The following AP3S1 variants were observed in gnomAD, a reference collection of about 807,000 sequenced individuals.
AP3S1 encodes the protein adaptor related protein complex 3 subunit sigma 1, also known as AP-3 complex subunit sigma-1.
AP3S1 carries 12 observed loss-of-function variants against 21.3 expected under a neutral mutation model. The ratio of observed to expected loss-of-function variants is 0.56; its 90% confidence interval spans 0.36 to 0.91. The LOEUF (loss-of-function observed/expected upper bound fraction) is 0.91. Among genes scored for constraint, AP3S1 ranks in the 40% least tolerant of loss-of-function variants. The pLI, the probability that AP3S1 is intolerant of heterozygous loss-of-function variation, is 0.01. For synonymous variants in AP3S1, 48 were observed against 78.4 expected (o/e 0.61, Z 2.05); for missense variants, 116 against 225.0 (o/e 0.52, Z 3.10).
At chr5:115,885,965 A>T (rs903069034) in intron 3 of AP3S1, among the ~76,000 whole-genome samples, 1 of 152,086 alleles carries the variant, frequency 6.6e-6, no homozygotes, top group Non-Finnish European at 1.5e-5. Flanking sequence ...TTTGCTTTAT[A>T]CTTTTCTGTA....
intron 4 of AP3S1, among the ~76,000 whole-genome samples, chr5:115,900,205 C>G (rs1751092187): frequency 6.6e-6 from 1 of 152,078 alleles, no homozygotes; most frequent in African/African-American, 2.4e-5. Flanking sequence ...GAGTATTTTT[C>G]TTTATAGTTA....
chr5:115,853,959 C>T (rs1305017990), intron 1 of AP3S1, among the ~76,000 whole-genome samples: 2 of 152,146 alleles, frequency 1.3e-5, no homozygotes, highest in African/African-American at 4.8e-5. Flanking sequence ...ACTTGAGACT[C>T]AGTAATTTAT....
intron 3 of AP3S1, among the ~76,000 whole-genome samples, chr5:115,885,922 A>T (rs12332653): frequency 0.38 from 57,142 of 152,030 alleles, 11,248 homozygotes; most frequent in Admixed American, 0.46. Context: ...CAGTAGATTT[A>T]TGTGGGTGCT....
intron 5 of AP3S1, among the ~76,000 whole-genome samples, chr5:115,911,840 T>C (rs1191713968): frequency 1.3e-5 from 2 of 152,024 alleles, no homozygotes; most frequent in Non-Finnish European, 1.5e-5. Context: ...GGTATAAGTA[T>C]AGAGGTCAAT....
chr5:115,877,138 C>G (rs936729982), intron 3 of AP3S1, among the ~76,000 whole-genome samples: 2 of 151,476 alleles, frequency 1.3e-5, no homozygotes, highest in African/African-American at 4.9e-5. Flanking sequence ...TCTATCATAC[C>G]TCAATATTTA....
At chr5:115,848,035 T>C (rs945192403) in intron 1 of AP3S1, among the ~76,000 whole-genome samples, 5 of 152,222 alleles carry the variant, frequency 3.3e-5, no homozygotes, top group African/African-American at 1.2e-4. Context: ...GGAAATAAAG[T>C]CTTCAAAGTT....
intron 1 of AP3S1, among the ~76,000 whole-genome samples, chr5:115,847,891 C>T (rs928645355): frequency 6.6e-6 from 1 of 152,164 alleles, no homozygotes; most frequent in African/African-American, 2.4e-5. Context: ...ATCTTAATTT[C>T]AGGTTTTCCT....
chr5:115,908,861 T>A (rs184456113), intron 5 of AP3S1: 1 of 443,762 alleles, frequency 2.3e-6, no homozygotes, highest in South Asian at 9.6e-5. Context: ...CTATTGACAT[T>A]TTCTTTTTTG....
chr5:115,885,096 C>A (rs1014784094), intron 3 of AP3S1, among the ~76,000 whole-genome samples: 10 of 152,330 alleles, frequency 6.6e-5, no homozygotes, highest in Middle Eastern at 3.4e-3. Context: ...TCCATTTCTT[C>A]TGCTTTCTTG....
intron 1 of AP3S1, among the ~76,000 whole-genome samples, chr5:115,864,798 T>C (rs1387292229): frequency 6.6e-6 from 1 of 152,180 alleles, no homozygotes; most frequent in Non-Finnish European, 1.5e-5. Context: ...CACATTTTGA[T>C]GGAGATGAGT....
chr5:115,906,258 C>A (rs895899349), intron 5 of AP3S1, among the ~76,000 whole-genome samples: 5 of 152,068 alleles, frequency 3.3e-5, no homozygotes, highest in African/African-American at 9.7e-5. Flanking sequence ...TAAGTAATAT[C>A]TTAGGAACAT....
Position 115,853,885 on chromosome 5 carries a change from G to A in AP3S1, c.69+11779G>A, listed in dbSNP as rs1056375630. Among the ~76,000 whole-genome samples the A allele has an allele frequency of 2.6e-5, 4 of 152,110 alleles. No individual in the cohort carries two copies. In the East Asian group the frequency reaches 7.7e-4, roughly 29 times the overall value. On this transcript the variant is annotated intron_variant, in intron 1 of 5. Coordinates refer to ENST00000316788, the MANE Select transcript of AP3S1 (RefSeq NM_001284.4). ...TTGTTATTTCAGTAATAGAGTGTTT[G>A]CCATTGAAATTGGGAAATATTTTAA...
At chr5:115,887,478 A>G (rs1185914058) in intron 3 of AP3S1, among the ~76,000 whole-genome samples, 1 of 152,018 alleles carries the variant, frequency 6.6e-6, no homozygotes, top group African/African-American at 2.4e-5. Flanking sequence ...TAGAAACTCA[A>G]AAAGGGGTCT....
At chr5:115,872,832 T>A (rs1035259400) in intron 3 of AP3S1, among the ~76,000 whole-genome samples, 1 of 152,194 alleles carries the variant, frequency 6.6e-6, no homozygotes, top group African/African-American at 2.4e-5. Context: ...GTTAATTCAT[T>A]TTATCATTAT....
At chr5:115,878,913 A>T (rs1228649102) in intron 3 of AP3S1, among the ~76,000 whole-genome samples, 1 of 152,076 alleles carries the variant, frequency 6.6e-6, no homozygotes, top group African/African-American at 2.4e-5. Context: ...GGCCCTTCAC[A>T]TCCCTTGTAA....
intron 3 of AP3S1, among the ~76,000 whole-genome samples, chr5:115,884,023 A>G (rs747248992): frequency 2.0e-5 from 3 of 152,180 alleles, no homozygotes; most frequent in Non-Finnish European, 4.4e-5. Flanking sequence ...TTCCTATAGT[A>G]CAAGCACTCC....
intron 1 of AP3S1, among the ~76,000 whole-genome samples, chr5:115,847,907 C>G (rs977333323): frequency 1.8e-4 from 27 of 152,146 alleles, no homozygotes; most frequent in African/African-American, 6.0e-4. Context: ...TTCCTTATAT[C>G]AAAGTATCCT....
At chr5:115,907,261 A>G (rs1486417761) in intron 5 of AP3S1, among the ~76,000 whole-genome samples, 1 of 152,078 alleles carries the variant, frequency 6.6e-6, no homozygotes, top group Non-Finnish European at 1.5e-5. Flanking sequence ...TTTTTTTTCC[A>G]TCTCTAAATT....
intron 1 of AP3S1, among the ~76,000 whole-genome samples, chr5:115,855,177 C>A (rs565137622): frequency 6.6e-6 from 1 of 152,018 alleles, no homozygotes; most frequent in Non-Finnish European, 1.5e-5. Flanking sequence ...GCTGGGACTA[C>A]AGGCATACAC....
Sources: gnomAD v4.1 joint callset for allele counts (sites outside exome capture counted in the v4.1 genomes callset) on GRCh38, gnomAD v4.1.1 for gene constraint, MANE v1.5 for transcripts, NCBI Gene and HGNC (gene_info 2026-07-23, HGNC 2026-07-21) for gene names.